The following DTHD1 variants were observed in gnomAD, a reference collection of about 807,000 sequenced individuals.
DTHD1 encodes death domain-containing protein 1.
Under a neutral mutation model 74.8 loss-of-function variants are expected in DTHD1, and 59 were observed. The observed-to-expected ratio is 0.79, with a 90% CI of 0.64 to 0.98. DTHD1 has a LOEUF of 0.98. DTHD1 is among the 50% of genes least tolerant of loss of function. The pLI is 0.00. For missense variants in DTHD1, 1,051 were observed against 1,065.4 expected (o/e 0.99, Z 0.19); for synonymous variants, 365 against 371.1 (o/e 0.98, Z 0.19).
In DTHD1 at chr4:36,311,681, A is replaced by G. The variant is rs1469265894; in HGVS notation, c.2095+3188A>G. The G allele has an allele frequency of 3.3e-5, 5 of 152,078 alleles. No homozygotes were observed. In the East Asian group the frequency reaches 9.6e-4, roughly 29 times the overall value. 9.4% of individuals were successfully genotyped at this position (152,078 alleles called of 1,614,324 possible). Reference sequence around the variant, plus strand: ...TTCATTTAATTGTTTGACCAATGCCAGTTTCTCCTACCATGGTCACATCCA... The same window carrying G: ...TTCATTTAATTGTTTGACCAATGCCGGTTTCTCCTACCATGGTCACATCCA... On this transcript the variant is annotated intron_variant, in intron 7 of 9. Transcript: ENST00000639862.
At chr4:36,333,932 T>C in intron 8 of DTHD1, 1 of 152,182 alleles carries the variant, frequency 6.6e-6, no homozygotes, top group African/African-American at 2.4e-5. Flanking sequence ...GCCCCAGAGC[T>C]AGGTCATCTG....
At chr4:36,294,107 T>G (rs1489272233) in intron 4 of DTHD1, among the ~76,000 whole-genome samples, 1 of 151,880 alleles carries the variant, frequency 6.6e-6, no homozygotes, top group East Asian at 1.9e-4. Context: ...TAATAAATAT[T>G]TTGTTATATT....
chr4:36,287,754 CAT>C (rs1560785059), intron 2 of DTHD1, among the ~76,000 whole-genome samples: 1 of 152,170 alleles, frequency 6.6e-6, no homozygotes, highest in African/African-American at 2.4e-5. Flanking sequence ...AGCATTTTTT[CAT>C]ATGTTTGTTG....
chr4:36,308,807 C>A (rs1428063494), intron 7 of DTHD1, among the ~76,000 whole-genome samples: 1 of 152,146 alleles, frequency 6.6e-6, no homozygotes, highest in Non-Finnish European at 1.5e-5. Context: ...CTTCTAAGTG[C>A]TTCCATTATT....
chr4:36,327,577 G>A (rs936894553), intron 8 of DTHD1, among the ~76,000 whole-genome samples: 12 of 152,126 alleles, frequency 7.9e-5, no homozygotes, highest in African/African-American at 2.4e-4. Flanking sequence ...GCATTTTAAC[G>A]ATTATTTAGA....
At chr4:36,326,020 G>T (rs1215935879) in intron 8 of DTHD1, among the ~76,000 whole-genome samples, 1 of 152,010 alleles carries the variant, frequency 6.6e-6, no homozygotes, top group Non-Finnish European at 1.5e-5. Context: ...GGCATATAGG[G>T]CCCATTGCAA....
intron 8 of DTHD1, among the ~76,000 whole-genome samples, chr4:36,319,952 C>G (rs573586775): frequency 5.9e-5 from 9 of 152,296 alleles, no homozygotes; most frequent in East Asian, 3.9e-4. Flanking sequence ...GCCAAGGAAG[C>G]CTTCCCTCAC....
In DTHD1 at chr4:36,281,724, T is replaced by G; in HGVS notation, c.-35T>G. 8.1e-7 allele frequency: 1 copy of G among 1,234,902 alleles called. No individual in the cohort carries two copies. Among genetic ancestry groups the G allele is most frequent in the East Asian group, 3.1e-5 (1 of 31,754 alleles). 76.5% of individuals were successfully genotyped at this position (1,234,902 alleles called of 1,614,324 possible). A position where few individuals can be genotyped will look rare whatever the true frequency, so the allele number is the denominator to read the frequency against. Reference sequence around the variant, plus strand: ...AATTTGCAAAACCTTTAGGCTTTGCTGGCAGGAGAGAAAATACCACTTTTG... The same window carrying G: ...AATTTGCAAAACCTTTAGGCTTTGCGGGCAGGAGAGAAAATACCACTTTTG... On this transcript the variant is annotated 5_prime_UTR_variant, in exon 1 of 10. Transcript: ENST00000639862.
At chr4:36,317,115 C>G (rs1364357105) in intron 8 of DTHD1, among the ~76,000 whole-genome samples, 4 of 152,176 alleles carry the variant, frequency 2.6e-5, no homozygotes, top group African/African-American at 9.7e-5. Flanking sequence ...TAAAAACAAA[C>G]TTCTTATTCT....
chr4:36,293,253 C>T (rs540022172), intron 3 of DTHD1, among the ~76,000 whole-genome samples: 3 of 146,960 alleles, frequency 2.0e-5, no homozygotes, highest in East Asian at 1.9e-4. Flanking sequence ...AATAATTGCC[C>T]ATTATTCACA....
chr4:36,312,702 T>C (rs935943369), intron 7 of DTHD1, among the ~76,000 whole-genome samples: 1 of 151,886 alleles, frequency 6.6e-6, no homozygotes, highest in Non-Finnish European at 1.5e-5. Flanking sequence ...ACTTGCCTTG[T>C]GTGTATGAGG....
In DTHD1 at chr4:36,343,656, T is replaced by C; in HGVS notation, c.2553T>C (p.Phe851=). 6.4e-7 allele frequency: 1 copy of C among 1,551,876 alleles called. No individual in the cohort carries two copies. The highest frequency in any genetic ancestry group is 8.7e-7 in the Non-Finnish European group (1 of 1,146,980). The change falls in exon 10 of 10, where the codon TTT becomes TTC. Residue 851 remains phenylalanine (F), a synonymous_variant. Transcript: ENST00000639862. ...PDDLTEQIHE[F]LCFWKKSLPT... The stretch of plus-strand genomic sequence containing the variant: ...ATCTCACAGAACAGATCCACGAGTT[T>C]CTTTGCTTCTGGAAAAAATCGCTTC...
intron 6 of DTHD1, among the ~76,000 whole-genome samples, chr4:36,307,635 T>G (rs1383986110): frequency 2.6e-5 from 4 of 152,210 alleles, no homozygotes; most frequent in African/African-American, 9.7e-5. Flanking sequence ...CCTTCCCACC[T>G]ACACAGAGAT....
At chr4:36,314,758 T>G (rs1036820301) in intron 7 of DTHD1, among the ~76,000 whole-genome samples, 1 of 137,678 alleles carries the variant, frequency 7.3e-6, no homozygotes, top group Non-Finnish European at 1.7e-5. Flanking sequence ...TTTTTTTTTT[T>G]TTTTTTTTTT....
intron 8 of DTHD1, among the ~76,000 whole-genome samples, chr4:36,330,328 C>T (rs2109554904): frequency 6.6e-6 from 1 of 152,268 alleles, no homozygotes; most frequent in East Asian, 1.9e-4. Flanking sequence ...ATGTTACATA[C>T]AAATGTTAAT....
chr4:36,283,857 G>C (rs1755538420), intron 1 of DTHD1, 119 bp from the exon 2 acceptor site: 1 of 725,038 alleles, frequency 1.4e-6, no homozygotes, highest in African/African-American at 1.8e-5. Flanking sequence ...TAAATGCACA[G>C]TAAAGGTCTT....
intron 2 of DTHD1, among the ~76,000 whole-genome samples, chr4:36,285,826 C>A (rs773526975): frequency 6.6e-6 from 1 of 152,138 alleles, no homozygotes; most frequent in South Asian, 2.1e-4. Context: ...ATCACTTAAA[C>A]GACCTAACAC....
At chr4:36,317,670 A>G (rs1045145833) in intron 8 of DTHD1, among the ~76,000 whole-genome samples, 1 of 152,222 alleles carries the variant, frequency 6.6e-6, no homozygotes, top group Non-Finnish European at 1.5e-5. Context: ...CTCTAAATGA[A>G]TTTATAATCC....
At chr4:36,291,649 A>G (rs1578438763) in intron 3 of DTHD1, among the ~76,000 whole-genome samples, 1 of 152,238 alleles carries the variant, frequency 6.6e-6, no homozygotes, top group Middle Eastern at 3.4e-3. Flanking sequence ...ACTAACATGG[A>G]GAAACCCCGT....
Sources: gnomAD v4.1 joint callset for allele counts (sites outside exome capture counted in the v4.1 genomes callset) on GRCh38, gnomAD v4.1.1 for gene constraint, MANE v1.5 for transcripts, NCBI Gene and HGNC (gene_info 2026-07-23, HGNC 2026-07-21) for gene names.